ENOX2: variants seen among roughly 807,000 people sequenced by gnomAD.
ENOX2 encodes the protein APK1 antigen.
In ENOX2, 36 loss-of-function variants were observed where a neutral mutation model predicts 45.0. That is an observed-to-expected ratio of 0.80 (90% CI 0.61 to 1.06). ENOX2 has a LOEUF of 1.06. Among genes scored for constraint, ENOX2 ranks in the 50% least tolerant of loss-of-function variants. ENOX2 has a pLI of 0.00. For missense variants in ENOX2, 423 were observed against 462.5 expected, an observed-to-expected ratio of 0.91 and a Z score of 0.78; for synonymous variants, 174 against 152.3, an observed-to-expected ratio of 1.14 and a Z score of -1.05.
chrX:130,821,731 AATAAATAAATT>A (rs1479519999), intron 2 of ENOX2, among the ~76,000 whole-genome samples: 1 of 90,899 alleles, frequency 1.1e-5, no homozygotes, highest in African/African-American at 4.1e-5. Flanking sequence ...AATAAAAATA[AATAAATAAATT>A]AAAAAAAAAA....
intron 3 of ENOX2, among the ~76,000 whole-genome samples, chrX:130,738,664 A>G (rs977974250): frequency 8.9e-6 from 1 of 112,268 alleles, no homozygotes; most frequent in African/African-American, 3.2e-5. Flanking sequence ...TGCCCTCCAC[A>G]CAATTTAAGT....
intron 6 of ENOX2, among the ~76,000 whole-genome samples, chrX:130,672,369 T>C (rs1197234393): frequency 8.9e-6 from 1 of 112,307 alleles, no homozygotes; most frequent in Non-Finnish European, 1.9e-5. Context: ...ATAAGCCTGC[T>C]GGCCCGGTCC....
chrX:130,723,500 G>A (rs2038531297), intron 3 of ENOX2, among the ~76,000 whole-genome samples: 1 of 111,908 alleles, frequency 8.9e-6, no homozygotes, highest in African/African-American at 3.2e-5. Flanking sequence ...ATTCTACTAG[G>A]AAATATAATT....
At chrX:130,805,858 G>A (rs767150373) in intron 2 of ENOX2, among the ~76,000 whole-genome samples, 2 of 111,888 alleles carry the variant, frequency 1.8e-5, no homozygotes, top group Non-Finnish European at 3.8e-5. Context: ...GTTCCTGCTC[G>A]CAGCTGAAGA....
At chrX:130,642,074 T>C (rs758767310) in intron 10 of ENOX2, among the ~76,000 whole-genome samples, 1 of 112,414 alleles carries the variant, frequency 8.9e-6, no homozygotes, top group Non-Finnish European at 1.9e-5. Flanking sequence ...ATAGTTGCCA[T>C]AGATAGTGGT....
intron 2 of ENOX2, among the ~76,000 whole-genome samples, chrX:130,786,554 TC>T (rs1431873749): frequency 1.7e-5 from 1 of 58,700 alleles, no homozygotes; most frequent in Non-Finnish European, 3.1e-5. Flanking sequence ...CCCTCCCCCC[TC>T]CCCCCACCCC....
chrX:130,769,035 C>T lies in ENOX2; in HGVS notation c.-39+14512G>A, dbSNP rs940154875. On this transcript the variant is annotated intron_variant, in intron 3 of 14. Transcript: ENST00000394363. ...AAAGGAAAATGCACCCTCCGCATGA[C>T]GCTCTATGAAGCCTAATTATTGGAG... Among the ~76,000 whole-genome samples the T allele has an allele frequency of 4.5e-5, 5 of 111,167 alleles. No homozygotes were observed. In the East Asian group the frequency reaches 8.5e-4, roughly 19 times the overall value.
intron 5 of ENOX2, 49 bp downstream of exon 5, chrX:130,688,814 T>G: frequency 1.0e-6 from 1 of 1,002,098 alleles, no homozygotes; most frequent in African/African-American, 1.9e-5. Context: ...AAAGCTTTCT[T>G]GTACACTAAA....
chrX:130,818,181 A>G (rs1405665225), intron 2 of ENOX2, among the ~76,000 whole-genome samples: 1 of 111,460 alleles, frequency 9.0e-6, no homozygotes, highest in Non-Finnish European at 1.9e-5. Context: ...AGAATAAAAT[A>G]CCTAGGAATA....
At chrX:130,834,414 C>T (rs2077892386) in intron 2 of ENOX2, among the ~76,000 whole-genome samples, 1 of 111,847 alleles carries the variant, frequency 8.9e-6, no homozygotes, top group South Asian at 3.7e-4. Flanking sequence ...TTTTTCTTAA[C>T]TGCTCTTTAA....
intron 2 of ENOX2, among the ~76,000 whole-genome samples, chrX:130,875,569 T>C (rs1175229995): frequency 8.9e-6 from 1 of 112,031 alleles, no homozygotes; most frequent in Middle Eastern, 4.6e-3. Flanking sequence ...AAGTGGTTTT[T>C]CAAACAAATG....
At chrX:130,801,874 C>T (rs181016864) in intron 2 of ENOX2, among the ~76,000 whole-genome samples, 364 of 111,713 alleles carry the variant, frequency 3.3e-3, no homozygotes, top group African/African-American at 0.011. Context: ...ATGACATTTA[C>T]GGAATGTCTA....
chrX:130,679,688 C>A lies in ENOX2; in HGVS notation c.314G>T (p.Gly105Val). 1 of 1,211,534 alleles carries A rather than the reference C, an allele frequency of 8.3e-7. No individual in the cohort carries two copies. Residue 105 changes from glycine (G) to valine (V), a missense_variant, in exon 6 of 15, where the codon GGT becomes GTT. Gly to Val is a moderately radical substitution (Grantham distance 109). Around this residue, in one of 5 missense-constraint regions of ENOX2, gnomAD observed 261 missense variants for 306.8 expected, o/e 0.85. Transcript: ENST00000394363. ...PPGCKTVFVGGLPENGTEQII... is the reference protein window; with the variant it reads ...PPGCKTVFVGVLPENGTEQII... ...TTGCTCTGTCCCATTTTCAGGCAGA[C>A]CACCCACAAATACTGTTTTGCATCC...
At position 130,783,566 on chromosome X, in the gene ENOX2, CTTTCT is replaced by C; in HGVS notation, c.-63_-59del. On this transcript the variant is annotated 5_prime_UTR_variant, in exon 3 of 15. The change abolishes the stop of an existing upstream ORF in the 5' untranslated region. Coordinates refer to ENST00000394363, the MANE Select transcript of ENOX2 (RefSeq NM_006375.4). Reference sequence around the variant, plus strand: ...GCTTACCTGAAGGAGTATTTGTTCTCTTTCTTTTCTTGCTTGATTCCCCTCCATTC... The same window carrying C: ...GCTTACCTGAAGGAGTATTTGTTCTCTTTCTTGCTTGATTCCCCTCCATTC... 3.0e-6 allele frequency: 1 copy of C among 330,061 alleles called. No homozygotes were observed. Among genetic ancestry groups the C allele is most frequent in the Non-Finnish European group, 5.9e-6 (1 of 169,630 alleles). The allele number at this position is 330,061 out of a possible 1,213,427, so 27.2% of individuals were successfully genotyped here.
At chrX:130,649,147 C>T (rs1296506140) in intron 10 of ENOX2, among the ~76,000 whole-genome samples, 1 of 103,566 alleles carries the variant, frequency 9.7e-6, no homozygotes, top group Non-Finnish European at 2.0e-5. Flanking sequence ...GGCTCCCCTT[C>T]ACCTTCTGCC....
intron 2 of ENOX2, among the ~76,000 whole-genome samples, chrX:130,830,639 T>C (rs542896910): frequency 1.8e-5 from 2 of 112,348 alleles, no homozygotes; most frequent in Admixed American, 9.4e-5. Context: ...CTACTGGAAG[T>C]TGGCCTTGGC....
intron 2 of ENOX2, among the ~76,000 whole-genome samples, chrX:130,853,625 C>T (rs1326599387): frequency 1.2e-4 from 13 of 110,538 alleles, no homozygotes; most frequent in South Asian, 3.9e-4. Context: ...GTGAGGAAAC[C>T]GGACTTCCAC....
intron 2 of ENOX2, among the ~76,000 whole-genome samples, chrX:130,864,571 A>T (rs1420160394): frequency 1.8e-5 from 2 of 112,492 alleles, no homozygotes; most frequent in Non-Finnish European, 3.7e-5. Flanking sequence ...ACAAAGTCCA[A>T]GCTCAAAACA....
chrX:130,673,032 C>T (rs966764429), intron 6 of ENOX2, among the ~76,000 whole-genome samples: 4 of 111,848 alleles, frequency 3.6e-5, no homozygotes, highest in East Asian at 5.6e-4. Context: ...CAGTACATAC[C>T]GATCTGCTTC....
Sources: allele counts gnomAD v4.1 joint callset (sites outside exome capture counted in the v4.1 genomes callset), GRCh38; gene constraint gnomAD v4.1.1; regional missense constraint gnomAD v4.1.1; transcripts MANE v1.5; gene names NCBI Gene and HGNC (gene_info 2026-07-23, HGNC 2026-07-21).